Variants in STYXL1 observed in about 807,000 individuals in gnomAD.
STYXL1 encodes serine/threonine/tyrosine-interacting-like protein 1.
A neutral mutation model predicts 36.4 loss-of-function variants in STYXL1; 32 were observed. The ratio of observed to expected loss-of-function variants is 0.88; its 90% CI spans 0.66 to 1.18. The LOEUF is 1.18. STYXL1 is among the 50% of genes most tolerant of loss of function. The probability of loss-of-function intolerance (pLI) is 0.00; values close to 1 mark genes in which losing one functional copy is unlikely to be tolerated. For synonymous variants in STYXL1, 133 were observed against 144.1 expected, an observed-to-expected ratio of 0.92 and a Z score of 0.55; for missense variants, 354 against 394.1, an observed-to-expected ratio of 0.90 and a Z score of 0.86.
chr7:76,029,263 C>T (rs1795064283), intron 2 of STYXL1, among the ~76,000 whole-genome samples: 1 of 152,114 alleles, frequency 6.6e-6, no homozygotes, highest in Admixed American at 6.5e-5. Flanking sequence ...TTTCCTGCCT[C>T]AGCCTCCCTA....
intron 7 of STYXL1, among the ~76,000 whole-genome samples, chr7:76,003,059 G>A (rs1324736517): frequency 1.3e-5 from 2 of 152,202 alleles, no homozygotes; most frequent in Admixed American, 6.5e-5. Flanking sequence ...ACTCAGCCCT[G>A]CTCTCTCTAC....
At chr7:76,038,475 G>C (rs1336377602) in intron 1 of STYXL1, among the ~76,000 whole-genome samples, 2 of 129,466 alleles carry the variant, frequency 1.5e-5, no homozygotes, top group Non-Finnish European at 3.6e-5. Context: ...CCCCAGGCTG[G>C]AGTGCAGTGG....
chr7:76,029,024 G>A (rs2116274235), intron 2 of STYXL1, among the ~76,000 whole-genome samples: 1 of 152,170 alleles, frequency 6.6e-6, no homozygotes, highest in South Asian at 2.1e-4. Context: ...TCACGAGGCT[G>A]AAGGAGAATC....
chr7:76,046,059 C>T (rs34893364), intron 1 of STYXL1: 40,339 of 152,132 alleles, frequency 0.27, 6,864 homozygotes, highest in Non-Finnish European at 0.38. Context: ...TCACTGTCCC[C>T]TGAATACTGG....
intron 3 of STYXL1, among the ~76,000 whole-genome samples, chr7:76,026,347 G>C (rs1447875053): frequency 6.6e-6 from 1 of 151,906 alleles, no homozygotes; most frequent in Non-Finnish European, 1.5e-5. Context: ...GCCCAGGCTG[G>C]AGTGCAGTGG....
At chr7:75,999,752 G>A (rs2116730105) in intron 8 of STYXL1, among the ~76,000 whole-genome samples, 1 of 151,898 alleles carries the variant, frequency 6.6e-6, no homozygotes, top group East Asian at 1.9e-4. Flanking sequence ...CACTATGTTG[G>A]CCAGGCTGGT....
intron 5 of STYXL1, among the ~76,000 whole-genome samples, chr7:76,012,621 C>G (rs1228823788): frequency 2.0e-5 from 3 of 152,192 alleles, no homozygotes; most frequent in Non-Finnish European, 4.4e-5. Context: ...GCTCAAACTC[C>G]TGAGCTCAAG....
At chr7:76,039,741 A>G (rs1243599013) in intron 1 of STYXL1, among the ~76,000 whole-genome samples, 1 of 151,972 alleles carries the variant, frequency 6.6e-6, no homozygotes, top group Non-Finnish European at 1.5e-5. Context: ...TTCGCCTCCC[A>G]AGTTCAAGCA....
intron 4 of STYXL1, among the ~76,000 whole-genome samples, chr7:76,020,789 G>T (rs1326027324): frequency 6.6e-6 from 1 of 151,952 alleles, no homozygotes. Flanking sequence ...GGGACTACAG[G>T]TATGAGTCAC....
At chr7:76,031,684 C>T (rs1221409936) in intron 1 of STYXL1, among the ~76,000 whole-genome samples, 3 of 147,836 alleles carry the variant, frequency 2.0e-5, no homozygotes, top group African/African-American at 7.5e-5. Flanking sequence ...CACTGCACTC[C>T]AGCCTGGGCT....
At chr7:76,042,389 G>GTT (rs1563528839) in intron 1 of STYXL1, among the ~76,000 whole-genome samples, 2 of 22,246 alleles carry the variant, frequency 9.0e-5, no homozygotes, top group African/African-American at 1.5e-4. Flanking sequence ...GCCCTTATGT[G>GTT]CTTTTTTTTT....
intron 4 of STYXL1, among the ~76,000 whole-genome samples, chr7:76,018,476 T>G (rs1007996793): frequency 9.2e-5 from 14 of 152,146 alleles, no homozygotes; most frequent in African/African-American, 2.9e-4. Flanking sequence ...CTGCAACCTC[T>G]GCCTCCCAGG....
chr7:76,020,563 C>T (rs1793941016), intron 4 of STYXL1, among the ~76,000 whole-genome samples: 1 of 152,156 alleles, frequency 6.6e-6, no homozygotes, highest in African/African-American at 2.4e-5. Context: ...GCCAAAAAGG[C>T]CTGGGTTTGA....
chr7:76,030,126 G>A (rs1277756874), intron 2 of STYXL1, among the ~76,000 whole-genome samples: 4 of 152,024 alleles, frequency 2.6e-5, no homozygotes, highest in Non-Finnish European at 2.9e-5. Flanking sequence ...TCAGCCTCCT[G>A]AGTAGCTGGG....
chr7:76,034,821 C>T lies in STYXL1; in HGVS notation c.-4-4294G>A, dbSNP rs113199765. ...CCTGGAAGAAGGGGGCAAGATCACC[C>T]GTAGCTGAGGACCAACACTCTAAGA... On this transcript the variant is annotated intron_variant, in intron 1 of 8. Transcript: ENST00000359697. 4.6e-3 allele frequency among the ~76,000 whole-genome samples: 708 copies of T among 152,282 alleles called. 4 individuals carry two copies. The highest frequency in any genetic ancestry group is 0.016 in the African/African-American group (665 of 41,550).
chr7:76,032,699 C>CA (rs1563515576), intron 1 of STYXL1, among the ~76,000 whole-genome samples: 1 of 151,830 alleles, frequency 6.6e-6, no homozygotes, highest in Non-Finnish European at 1.5e-5. Flanking sequence ...AACTTTGTCT[C>CA]AAAAAAACAA....
intron 3 of STYXL1, among the ~76,000 whole-genome samples, chr7:76,023,603 T>C (rs1179643543): frequency 2.6e-5 from 4 of 152,168 alleles, no homozygotes; most frequent in African/African-American, 4.8e-5. Flanking sequence ...AGGGTGCACA[T>C]GTAGTCCCAG....
intron 3 of STYXL1, among the ~76,000 whole-genome samples, chr7:76,024,999 A>C (rs1241004756): frequency 2.0e-5 from 3 of 151,000 alleles, no homozygotes; most frequent in African/African-American, 7.3e-5. Context: ...CTGTTTTCAA[A>C]AAAAAGTTAC....
rs782772951 is a variant in STYXL1 at position 76,047,927 on chromosome 7, G to T, written c.-270C>A. The T allele has an allele frequency of 5.0e-5, 71 of 1,431,386 alleles. No individual in the cohort carries two copies. Among genetic ancestry groups the T allele is most frequent in the Non-Finnish European group, 6.4e-5 (70 of 1,094,198 alleles). 88.7% of individuals were successfully genotyped at this position (1,431,386 alleles called of 1,614,324 possible). ...AGGTCCCCCACCGGCCACACAGACG[G>T]CTACGCTAGAACCCAGCCAAACACC... On this transcript the variant is annotated 5_prime_UTR_variant, in exon 1 of 9. Coordinates refer to ENST00000359697, the MANE Select transcript of STYXL1 (RefSeq NM_001317785.2).
Sources: gnomAD v4.1 joint callset for allele counts (sites outside exome capture counted in the v4.1 genomes callset) on GRCh38, gnomAD v4.1.1 for gene constraint, MANE v1.5 for transcripts, NCBI Gene and HGNC (gene_info 2026-07-23, HGNC 2026-07-21) for gene names.